The following CRYBG1 variants were observed in gnomAD, a reference collection of about 807,000 sequenced individuals.
The protein encoded by CRYBG1 is crystallin beta-gamma domain containing 1.
Under a neutral mutation model 189.2 loss-of-function variants are expected in CRYBG1, and 139 were observed. The observed-to-expected ratio is 0.73, with a 90% CI of 0.64 to 0.85. CRYBG1 has a LOEUF of 0.85. Among genes scored for constraint, CRYBG1 ranks in the 40% least tolerant of loss-of-function variants. CRYBG1 has a pLI of 0.00. For synonymous variants in CRYBG1, 1,023 were observed against 1,017.1 expected, an observed-to-expected ratio of 1.01 and a Z score of -0.11; for missense variants, 2,611 against 2,675.8, an observed-to-expected ratio of 0.98 and a Z score of 0.53.
At chr6:106,515,172 G>C in intron 3 of CRYBG1, among the ~76,000 whole-genome samples, 1 of 152,120 alleles carries the variant, frequency 6.6e-6, no homozygotes, top group Non-Finnish European at 1.5e-5. Flanking sequence ...TTCTTAAAAT[G>C]GTATATGTAG....
rs774513551 is a variant in CRYBG1, at chr6:106,530,056, G to A, written c.4579-120G>A. ...AGGGCTAAAATGGCAGGTGCTCTGT[G>A]AAATGTGTTTGTAAATTTAAAGCTC... On this transcript the variant is annotated intron_variant, in intron 7 of 21. Transcript: ENST00000633556. The A allele has an allele frequency of 4.5e-5, 42 of 940,496 alleles. 1 individual carries two copies. Among genetic ancestry groups the A allele is most frequent in the Non-Finnish European group, 6.0e-5 (40 of 665,978 alleles). The allele number at this position is 940,496 out of a possible 1,614,324, so 58.3% of individuals were successfully genotyped here. A position where few individuals can be genotyped will look rare whatever the true frequency, so the allele number is the denominator to read the frequency against.
intron 1 of CRYBG1, among the ~76,000 whole-genome samples, chr6:106,378,725 G>A (rs944708990): frequency 1.3e-5 from 2 of 152,176 alleles, no homozygotes; most frequent in African/African-American, 4.8e-5. Flanking sequence ...AGCTCCACAA[G>A]TATTTCACTA....
At chr6:106,544,977 C>G in intron 13 of CRYBG1, 44 bp downstream of exon 13, 1 of 1,549,394 alleles carries the variant, frequency 6.5e-7, no homozygotes, top group Non-Finnish European at 8.7e-7. Context: ...TGCGTTTTAC[C>G]TTGGTTTGTT....
chr6:106,369,472 T>G (rs1185775003), intron 1 of CRYBG1, among the ~76,000 whole-genome samples: 1 of 152,204 alleles, frequency 6.6e-6, no homozygotes, highest in Admixed American at 6.5e-5. Flanking sequence ...TATCGACAGC[T>G]CAAATATGAG....
intron 11 of CRYBG1, 124 bp downstream of exon 11, chr6:106,543,721 T>G (rs1184353142): frequency 9.3e-7 from 1 of 1,078,182 alleles, no homozygotes; most frequent in East Asian, 2.5e-5. Context: ...GACAGTTATA[T>G]CCACATTCTC....
At chr6:106,468,757 A>G (rs1270501601) in intron 2 of CRYBG1, among the ~76,000 whole-genome samples, 1 of 152,248 alleles carries the variant, frequency 6.6e-6, no homozygotes, top group Non-Finnish European at 1.5e-5. Flanking sequence ...GATGTGATAC[A>G]TGAAATGCAC....
rs377083988 is a variant in CRYBG1, at chr6:106,512,653, C to G, written c.1536C>G (p.Pro512=). 52 of 1,583,176 alleles carry G rather than the reference C, an allele frequency of 3.3e-5. No individual in the cohort carries two copies. The African/African-American group carries it at 5.0e-4, about 15-fold the overall frequency. ...RSKQPPPASS[P]TKRKGRSRAL... ...AACAGCCACCCCCGGCTTCGTCCCC[C>G]ACGAAGAGGAAGGGCAGGAGCCGTG... Residue 512 remains proline, a synonymous_variant, in exon 3 of 22, where the codon CCC becomes CCG. Transcript: ENST00000633556.
chr6:106,521,523 C>A, intron 4 of CRYBG1, 70 bp downstream of exon 4: 2 of 1,433,064 alleles, frequency 1.4e-6, no homozygotes, highest in Non-Finnish European at 1.9e-6. Flanking sequence ...TGATGAGCAA[C>A]TCATGTTATT....
chr6:106,513,370 G>A (rs1446834359), intron 3 of CRYBG1, among the ~76,000 whole-genome samples: 1 of 152,182 alleles, frequency 6.6e-6, no homozygotes, highest in Non-Finnish European at 1.5e-5. Context: ...TATTCAAAAT[G>A]TACAAGGGTG....
intron 1 of CRYBG1, among the ~76,000 whole-genome samples, chr6:106,446,788 A>G (rs1428691790): frequency 6.6e-6 from 1 of 152,218 alleles, no homozygotes; most frequent in East Asian, 1.9e-4. Context: ...CCCTTCTTAT[A>G]TAAGCTTTAG....
At chr6:106,441,470 A>G (rs1771566031) in intron 1 of CRYBG1, among the ~76,000 whole-genome samples, 1 of 152,128 alleles carries the variant, frequency 6.6e-6, no homozygotes, top group African/African-American at 2.4e-5. Flanking sequence ...CAGCCATTCT[A>G]TTGTCTTCAG....
intron 1 of CRYBG1, among the ~76,000 whole-genome samples, chr6:106,411,007 A>G (rs928614598): frequency 6.6e-6 from 1 of 152,230 alleles, no homozygotes; most frequent in Non-Finnish European, 1.5e-5. Flanking sequence ...AACCTAAAGT[A>G]TAATAATTTA....
chr6:106,392,352 C>T (rs914751146), intron 1 of CRYBG1, among the ~76,000 whole-genome samples: 1 of 152,194 alleles, frequency 6.6e-6, no homozygotes, highest in Non-Finnish European at 1.5e-5. Flanking sequence ...TCCCGCTCTC[C>T]TCATCTATTA....
At chr6:106,383,445 A>C (rs954761267) in intron 1 of CRYBG1, among the ~76,000 whole-genome samples, 3 of 152,248 alleles carry the variant, frequency 2.0e-5, no homozygotes, top group Non-Finnish European at 2.9e-5. Flanking sequence ...TGCATGTCCC[A>C]AACTTATCCT....
chr6:106,392,205 A>G (rs1017612762), intron 1 of CRYBG1, among the ~76,000 whole-genome samples: 12 of 151,988 alleles, frequency 7.9e-5, no homozygotes, highest in Non-Finnish European at 1.6e-4. Flanking sequence ...TTTTACCCCA[A>G]TCTTTTCTTT....
rs1019185637 is a variant in CRYBG1, at chr6:106,520,230, G to A, written c.3022G>A (p.Glu1008Lys). The A allele has an allele frequency of 6.2e-7, 1 of 1,614,174 alleles. No individual in the cohort carries two copies. Among genetic ancestry groups the A allele is most frequent in the Non-Finnish European group, 8.5e-7 (1 of 1,180,036 alleles). ...SVASCAPPQE[E>K]VLGNEHSHCT... Reference sequence around the variant, plus strand: ...TGCAAGTTGTGCTCCCCCACAAGAGGAAGTACTGGGCAATGAACACTCTCA... The same window carrying A: ...TGCAAGTTGTGCTCCCCCACAAGAGAAAGTACTGGGCAATGAACACTCTCA... Residue 1008 changes from glutamate to lysine, a missense_variant, in exon 4 of 22, where the codon GAA (glutamate) becomes AAA (lysine). By Grantham distance (56) the Glu-to-Lys change is moderately conservative. Transcript: ENST00000633556.
chr6:106,525,424 T>G, intron 6 of CRYBG1, 38 bp downstream of exon 6: 6 of 1,520,232 alleles, frequency 3.9e-6, no homozygotes, highest in Non-Finnish European at 5.5e-6. Flanking sequence ...GTCAAGTGTT[T>G]GAGTTTTACA....
chr6:106,516,481 G>A (rs554179337), intron 3 of CRYBG1, among the ~76,000 whole-genome samples: 4 of 152,242 alleles, frequency 2.6e-5, no homozygotes, highest in African/African-American at 4.8e-5. Flanking sequence ...TGATCCACCC[G>A]CTTTGGCCTC....
At chr6:106,490,905 T>C (rs1036984718) in intron 2 of CRYBG1, among the ~76,000 whole-genome samples, 1 of 150,918 alleles carries the variant, frequency 6.6e-6, no homozygotes, top group African/African-American at 2.4e-5. Flanking sequence ...TTCAAAAAAA[T>C]GTGTCCTCAT....
Sources: gnomAD v4.1 joint callset for allele counts (sites outside exome capture counted in the v4.1 genomes callset) on GRCh38, gnomAD v4.1.1 for gene constraint, MANE v1.5 for transcripts, NCBI Gene and HGNC (gene_info 2026-07-23, HGNC 2026-07-21) for gene names.